The following ARHGEF10L variants were observed in gnomAD, a reference collection of about 807,000 sequenced individuals.
ARHGEF10L encodes Rho guanine nucleotide exchange factor 10 like.
ARHGEF10L carries 69 observed loss-of-function variants against 141.2 expected under a neutral mutation model. The observed-to-expected ratio is 0.49, with a 90% CI of 0.40 to 0.60. ARHGEF10L has a LOEUF of 0.60. Ranked by LOEUF, ARHGEF10L falls within the 20% of genes least tolerant of loss-of-function variation. The pLI is 0.00. For synonymous variants in ARHGEF10L, 711 were observed against 718.5 expected (o/e 0.99, Z 0.17); for missense variants, 1,482 against 1,734.3 (o/e 0.85, Z 2.58).
At chr1:17,645,814 C>T (rs569425074) in intron 21 of ARHGEF10L, among the ~76,000 whole-genome samples, 21 of 152,306 alleles carry the variant, frequency 1.4e-4, no homozygotes, top group South Asian at 4.1e-4. Flanking sequence ...TGCTGGCCAG[C>T]GTGGAGTGCG....
the ARHGEF10L span, among the ~76,000 whole-genome samples, chr1:17,520,252 C>T: frequency 3.9e-5 from 6 of 152,208 alleles, no homozygotes; most frequent in East Asian, 1.2e-3. Context: ...CTGCTTACCG[C>T]CCTTGCCCGC....
chr1:17,638,745 A>G (rs1162793972), intron 20 of ARHGEF10L, 56 bp downstream of exon 20: 1 of 1,607,026 alleles, frequency 6.2e-7, no homozygotes, highest in Non-Finnish European at 8.5e-7. Context: ...CTTCCAGTGG[A>G]GCAGGGGATC....
rs1405454374 is a variant in ARHGEF10L at position 17,625,262 on chromosome 1, G to A, written c.1318-694G>A. ...TGTAAGGATAGTGGAGCAAAGGTTA[G>A]AGGCAGGAGGAGAGGGATGGGCAGG... is the stretch of plus-strand genomic sequence containing the variant. On this transcript the variant is annotated intron_variant, in intron 13 of 28. Transcript: ENST00000361221. This position sits in a 1 kb window ranked among gnomAD's most constrained non-coding sequence, Gnocchi z 4.5. 6.6e-6 allele frequency among the ~76,000 whole-genome samples: 1 copy of A among 152,200 alleles called. No homozygotes were observed. The highest frequency in any genetic ancestry group is 1.5e-5 in the Non-Finnish European group (1 of 68,030).
chr1:17,526,001 C>CAAA, the ARHGEF10L span, among the ~76,000 whole-genome samples: 1 of 60,290 alleles, frequency 1.7e-5, no homozygotes, highest in Non-Finnish European at 3.4e-5. Flanking sequence ...GACTCTGTCT[C>CAAA]AAAAAAAAAA....
intron 9 of ARHGEF10L, among the ~76,000 whole-genome samples, 198 bp downstream of exon 9, chr1:17,616,400 G>A (rs11203430): frequency 0.2 from 30,156 of 152,152 alleles, 3,825 homozygotes; most frequent in African/African-American, 0.36. Context: ...TCTGGCAGGC[G>A]TGGCCTGTCC....
chr1:17,553,653 A>T (rs955219037), intron 1 of ARHGEF10L, among the ~76,000 whole-genome samples: 1 of 151,936 alleles, frequency 6.6e-6, no homozygotes, highest in African/African-American at 2.4e-5. Flanking sequence ...GCCAGGCATG[A>T]TGGTGGGCAC....
intron 15 of ARHGEF10L, among the ~76,000 whole-genome samples, chr1:17,631,740 C>T (rs552873190): frequency 5.9e-5 from 9 of 152,362 alleles, no homozygotes; most frequent in African/African-American, 2.2e-4. Flanking sequence ...CATGTTCTGC[C>T]ATGGTCATCT....
At position 17,656,858 on chromosome 1, in the gene ARHGEF10L, G is replaced by A; in HGVS notation, c.2860+150G>A. On this transcript the variant is annotated intron_variant, in intron 25 of 28. Transcript: ENST00000361221. The surrounding 1 kb of genome is among the most constrained non-coding windows in gnomAD (Gnocchi z 4.9). ...CATTTGGAGATCCGTGAGCCCCGCT[G>A]GGGTTCAATGGGTGGTCCCCCATAT... 2 of 965,088 alleles carry A rather than the reference G, an allele frequency of 2.1e-6. No individual in the cohort carries two copies. The highest frequency in any genetic ancestry group is 3.0e-6 in the Non-Finnish European group (2 of 673,278). 59.8% of individuals were successfully genotyped at this position (965,088 alleles called of 1,614,324 possible).
Position 17,623,976 on chromosome 1 carries a change from G to A in ARHGEF10L, c.1201-411G>A, listed in dbSNP as rs1349586209. Among the ~76,000 whole-genome samples, 3 of 152,182 alleles carry A rather than the reference G, an allele frequency of 2.0e-5. No homozygotes were observed. The South Asian group carries it at 6.2e-4, about 32-fold the overall frequency. ...CAACTCTGGGCACGCTGCCCGGTGA[G>A]AGGCCAGGAGCACTTTCCTTAAAGG... is the stretch of plus-strand genomic sequence containing the variant. On this transcript the variant is annotated intron_variant, in intron 12 of 28. Coordinates refer to ENST00000361221, the MANE Select transcript of ARHGEF10L (RefSeq NM_018125.4). The surrounding 1 kb of genome is among the most constrained non-coding windows in gnomAD (Gnocchi z 4.7).
intron 4 of ARHGEF10L, among the ~76,000 whole-genome samples, chr1:17,590,530 G>A (rs1264129733): frequency 1.3e-5 from 2 of 152,146 alleles, no homozygotes; most frequent in Non-Finnish European, 2.9e-5. Context: ...GCCTCTATGG[G>A]GACAGGGACT....
intron 1 of ARHGEF10L, among the ~76,000 whole-genome samples, chr1:17,560,098 C>T (rs1570466882): frequency 1.3e-5 from 2 of 152,204 alleles, no homozygotes; most frequent in Admixed American, 1.3e-4. Flanking sequence ...CCTCTTCCCC[C>T]AGCTGATGGC....
upstream of ARHGEF10L, among the ~76,000 whole-genome samples, chr1:17,538,521 T>C (rs541394474): frequency 3.3e-5 from 5 of 152,150 alleles, no homozygotes; most frequent in East Asian, 7.7e-4. Context: ...AGTCGGTGAA[T>C]AAGATGATTT....
At chr1:17,517,953 G>T in the ARHGEF10L span, among the ~76,000 whole-genome samples, 1 of 152,196 alleles carries the variant, frequency 6.6e-6, no homozygotes, top group Non-Finnish European at 1.5e-5. Flanking sequence ...GTGAGCCACA[G>T]CGCCTGGCCC....
chr1:17,618,740 C>T lies in ARHGEF10L; in HGVS notation c.836-599C>T, dbSNP rs2059946007. ...CGGAGCCTCCCTCACTATCTGACCT[C>T]CTCCCACTCTCAGAGGCTTGGGCCT... On this transcript the variant is annotated intron_variant, in intron 9 of 28. Transcript: ENST00000361221. Among the ~76,000 whole-genome samples, 3 of 152,200 alleles carry T rather than the reference C, an allele frequency of 2.0e-5. No individual in the cohort carries two copies. In the South Asian group the frequency reaches 6.2e-4, roughly 31 times the overall value.
chr1:17,593,679 G>A (rs138456898), intron 4 of ARHGEF10L, among the ~76,000 whole-genome samples: 104 of 152,214 alleles, frequency 6.8e-4, no homozygotes, highest in South Asian at 2.1e-3. Flanking sequence ...CAGCCCTGCC[G>A]AAACCTCGCT....
At chr1:17,537,149 C>T (rs1341317295), upstream of ARHGEF10L, among the ~76,000 whole-genome samples, 1 of 152,062 alleles carries the variant, frequency 6.6e-6, no homozygotes, top group Non-Finnish European at 1.5e-5. Flanking sequence ...TTGCCTTGGC[C>T]TCCTAAAGTG....
At chr1:17,522,627 C>G in the ARHGEF10L span, among the ~76,000 whole-genome samples, 2 of 152,040 alleles carry the variant, frequency 1.3e-5, no homozygotes, top group Non-Finnish European at 1.5e-5. Flanking sequence ...CTTTTGGCCC[C>G]TAAATTAGAG....
rs1447123305 is a variant in ARHGEF10L, at chr1:17,639,268, G to A, written c.2171+579G>A. Among the ~76,000 whole-genome samples the A allele has an allele frequency of 4.6e-5, 7 of 152,218 alleles. No homozygotes were observed. The highest frequency in any genetic ancestry group is 1.7e-4 in the African/African-American group (7 of 41,446). On this transcript the variant is annotated intron_variant, in intron 20 of 28. Coordinates refer to ENST00000361221, the MANE Select transcript of ARHGEF10L (RefSeq NM_018125.4). The surrounding 1 kb of genome is among the most constrained non-coding windows in gnomAD (Gnocchi z 4.3). ...GAAGGTGAGGCTCAGAGTTTCAGGA[G>A]AGGCTGAAGGCCACATCGTGAGAGA...
rs368018689 is a variant in ARHGEF10L, at chr1:17,587,597, A to G, written c.175A>G (p.Arg59Gly). 19 of 1,614,094 alleles carry G rather than the reference A, an allele frequency of 1.2e-5. No individual in the cohort carries two copies. In the African/African-American group the frequency reaches 2.4e-4, roughly 20 times the overall value. The part of the protein sequence containing the change: ...ALGVPSLAPE[R>G]DTDPPLIHLD... ...GGGCGTCCCCAGCCTTGCTCCTGAGAGGGACACAGACCCCCCACTGATCCA... is the reference window on the plus strand; with the variant it reads ...GGGCGTCCCCAGCCTTGCTCCTGAGGGGGACACAGACCCCCCACTGATCCA... Residue 59 changes from arginine to glycine, a missense_variant, in exon 3 of 29, where the codon AGG (arginine) becomes GGG (glycine). By Grantham distance (125) the Arg-to-Gly change is moderately radical (BLOSUM62 -2). Transcript: ENST00000361221.
Sources: gnomAD v4.1 joint callset for allele counts (sites outside exome capture counted in the v4.1 genomes callset) on GRCh38, gnomAD v4.1.1 for gene constraint, Gnocchi (gnomAD v3.1) non-coding constraint, MANE v1.5 for transcripts, NCBI Gene and HGNC (gene_info 2026-07-23, HGNC 2026-07-21) for gene names.